The following CHD6 variants were observed in gnomAD, a reference collection of about 807,000 sequenced individuals.
CHD6 encodes the protein ATP-dependent chromatin remodeler CHD6.
A neutral mutation model predicts 276.9 loss-of-function variants in CHD6; 50 were observed. The observed-to-expected ratio is 0.18, with a 90% CI of 0.14 to 0.23. The LOEUF is 0.23. Ranked by LOEUF, CHD6 falls within the 10% of genes least tolerant of loss-of-function variation. The probability of loss-of-function intolerance (pLI) is 1.00; values close to 1 mark genes in which losing one functional copy is unlikely to be tolerated. For missense variants in CHD6, 2,564 were observed against 3,365.8 expected (o/e 0.76, Z 5.89); for synonymous variants, 1,173 against 1,229.3 (o/e 0.95, Z 0.96).
chr20:41,498,676 T>C (rs1177833633), intron 6 of CHD6, among the ~76,000 whole-genome samples: 1 of 152,050 alleles, frequency 6.6e-6, no homozygotes, highest in Admixed American at 6.6e-5. Context: ...CAACATACTC[T>C]AGCACTCCAA....
At chr20:41,495,234 A>C (rs376829360) in intron 8 of CHD6, among the ~76,000 whole-genome samples, 1 of 152,248 alleles carries the variant, frequency 6.6e-6, no homozygotes, top group East Asian at 1.9e-4. Flanking sequence ...ATGGATAAAG[A>C]AAGTGGGGTG....
chr20:41,544,756 T>C (rs2045008699), intron 2 of CHD6, among the ~76,000 whole-genome samples: 2 of 150,830 alleles, frequency 1.3e-5, no homozygotes, highest in South Asian at 2.1e-4. Context: ...TGTACTGTTA[T>C]GATACTATAT....
At chr20:41,520,596 C>T (rs997992130) in intron 3 of CHD6, among the ~76,000 whole-genome samples, 1 of 148,540 alleles carries the variant, frequency 6.7e-6, no homozygotes, top group Non-Finnish European at 1.5e-5. Context: ...CGCATGTTCT[C>T]ACTCATAGGT....
chr20:41,552,451 A>C (rs953604447), intron 1 of CHD6, among the ~76,000 whole-genome samples: 1 of 152,236 alleles, frequency 6.6e-6, no homozygotes, highest in African/African-American at 2.4e-5. Context: ...TAGATATGTT[A>C]ATTAGCTTGA....
intron 16 of CHD6, among the ~76,000 whole-genome samples, chr20:41,477,593 C>A (rs2043195957): frequency 6.6e-6 from 1 of 152,124 alleles, no homozygotes; most frequent in Non-Finnish European, 1.5e-5. Context: ...CTCCAAACCT[C>A]TAGTAAAATG....
chr20:41,537,433 G>A (rs2044856222), intron 2 of CHD6, among the ~76,000 whole-genome samples: 1 of 152,212 alleles, frequency 6.6e-6, no homozygotes, highest in Non-Finnish European at 1.5e-5. Context: ...GAGAAGATGT[G>A]TATGGGTTAT....
At chr20:41,507,036 TC>T (rs1344582475) in intron 5 of CHD6, among the ~76,000 whole-genome samples, 2 of 152,256 alleles carry the variant, frequency 1.3e-5, no homozygotes, top group East Asian at 3.9e-4. Context: ...CAGTAAACTT[TC>T]ATGACTGCTG....
chr20:41,502,666 T>C (rs1047517803), intron 5 of CHD6, among the ~76,000 whole-genome samples: 1 of 152,232 alleles, frequency 6.6e-6, no homozygotes, highest in Non-Finnish European at 1.5e-5. Context: ...AATGCCCTGC[T>C]TAGTTTTTGA....
chr20:41,492,268 A>C (rs2043573682), intron 10 of CHD6, among the ~76,000 whole-genome samples: 1 of 152,254 alleles, frequency 6.6e-6, no homozygotes, highest in Non-Finnish European at 1.5e-5. Flanking sequence ...TTAAAAGCAG[A>C]AAACAGTATT....
At chr20:41,467,733 G>C (rs201694760) in intron 17 of CHD6, among the ~76,000 whole-genome samples, 1 of 149,900 alleles carries the variant, frequency 6.7e-6, no homozygotes, top group East Asian at 2.0e-4. Flanking sequence ...AGTCAGTCAA[G>C]AACTAGCTGA....
chr20:41,604,596 T>C (rs76072796), intron 1 of CHD6, among the ~76,000 whole-genome samples: 107 of 152,294 alleles, frequency 7.0e-4, no homozygotes, highest in African/African-American at 2.6e-3. Context: ...GCCTTAATCC[T>C]AAAACGGAAA....
intron 23 of CHD6, 146 bp downstream of exon 23, chr20:41,450,800 C>A: frequency 1.3e-6 from 1 of 755,516 alleles, no homozygotes. Flanking sequence ...TCTGAGCCAG[C>A]TTAGACCACA....
chr20:41,614,285 A>G (rs2045915399), intron 1 of CHD6, among the ~76,000 whole-genome samples: 1 of 152,212 alleles, frequency 6.6e-6, no homozygotes, highest in Non-Finnish European at 1.5e-5. Context: ...CAGCATCCTG[A>G]AATTTTCAAA....
intron 14 of CHD6, 45 bp downstream of exon 14, chr20:41,487,620 G>A: frequency 6.4e-7 from 1 of 1,552,184 alleles, no homozygotes; most frequent in Non-Finnish European, 8.7e-7. Context: ...TCTTGATGAA[G>A]ATAACGATCA....
intron 2 of CHD6, among the ~76,000 whole-genome samples, chr20:41,544,285 C>T (rs1454540293): frequency 6.6e-6 from 1 of 152,152 alleles, no homozygotes; most frequent in Non-Finnish European, 1.5e-5. Flanking sequence ...TTCACAGTCA[C>T]ATCAATACTC....
intron 3 of CHD6, among the ~76,000 whole-genome samples, chr20:41,523,823 G>T (rs1050310407): frequency 3.3e-5 from 5 of 152,148 alleles, no homozygotes; most frequent in African/African-American, 7.2e-5. Context: ...ATGGGTACAT[G>T]TCACGACATC....
intron 27 of CHD6, among the ~76,000 whole-genome samples, chr20:41,434,124 A>G (rs1306003286): frequency 6.6e-6 from 1 of 152,220 alleles, no homozygotes; most frequent in Non-Finnish European, 1.5e-5. Context: ...GAAGACAGAG[A>G]CCGGCAGAGC....
Position 41,490,161 on chromosome 20 carries a change from G to C in CHD6, c.1437-140C>G. 3 of 766,034 alleles carry C rather than the reference G, an allele frequency of 3.9e-6. No homozygotes were observed. The Admixed American group carries it at 7.2e-5, about 18-fold the overall frequency. The allele number at this position is 766,034 out of a possible 1,614,324, so 47.5% of individuals were successfully genotyped here. On this transcript the variant is annotated intron_variant, in intron 11 of 36. Transcript: ENST00000373233. ...TCATCATTTCACATATTAAACTGAG[G>C]TTAGTTATTATTATTATTCCTACTT...
intron 17 of CHD6, among the ~76,000 whole-genome samples, chr20:41,471,699 AT>A (rs147387011): frequency 0.03 from 4,581 of 150,702 alleles, 94 homozygotes; most frequent in Middle Eastern, 0.049. Context: ...CGCCTGGCTA[AT>A]TTTTTTTTGT....
Sources: allele counts gnomAD v4.1 joint callset (sites outside exome capture counted in the v4.1 genomes callset), GRCh38; gene constraint gnomAD v4.1.1; transcripts MANE v1.5; gene names NCBI Gene and HGNC (gene_info 2026-07-23, HGNC 2026-07-21).